CPT2: variants seen among roughly 807,000 people sequenced by gnomAD.
CPT2 encodes the protein carnitine O-palmitoyltransferase 2, mitochondrial.
A neutral mutation model predicts 48.6 loss-of-function variants in CPT2; 37 were observed. The ratio of observed to expected loss-of-function variants is 0.76; its 90% CI spans 0.59 to 1.00. CPT2 has a LOEUF of 1.00. Among genes scored for constraint, CPT2 ranks in the 50% least tolerant of loss-of-function variants. The pLI, the probability that CPT2 is intolerant of heterozygous loss-of-function variation, is 0.00. For missense variants in CPT2, 772 were observed against 825.6 expected (o/e 0.94, Z 0.80); for synonymous variants, 319 against 326.9 (o/e 0.98, Z 0.26).
chr1:53,202,225 T>A, intron 2 of CPT2, 98 bp from the exon 3 acceptor site: 1 of 874,328 alleles, frequency 1.1e-6, no homozygotes, highest in South Asian at 1.4e-5. Flanking sequence ...GGCTATGCTG[T>A]TGGGGACCCA....
chr1:53,196,988 G>T lies in CPT2; in HGVS notation c.45G>T (p.Ala15=), dbSNP rs761850684. The part of the protein sequence containing the change: ...LLLRAWPRGP[A]VGPGAPSRPL... ...TGCGCGCCTGGCCCCGGGGCCCCGC[G>T]GTTGGTCCGGGAGCCCCCAGTCGGC... is the stretch of plus-strand genomic sequence containing the variant. The change falls in exon 1 of 5, where the codon GCG becomes GCT. Residue 15 remains alanine, a synonymous_variant. Coordinates refer to ENST00000371486, the MANE Select transcript of CPT2 (RefSeq NM_000098.3). 126 of 1,526,766 alleles carry T rather than the reference G, an allele frequency of 8.3e-5. No homozygotes were observed. Among genetic ancestry groups the T allele is most frequent in the Middle Eastern group, 2.0e-4 (1 of 5,090 alleles). The allele number at this position is 1,526,766 out of a possible 1,614,324, so 94.6% of individuals were successfully genotyped here. A position where few individuals can be genotyped will look rare whatever the true frequency, so the allele number is the denominator to read the frequency against.
intron 1 of CPT2, among the ~76,000 whole-genome samples, chr1:53,199,121 C>T (rs979352575): frequency 1.3e-5 from 2 of 152,128 alleles, no homozygotes; most frequent in Non-Finnish European, 2.9e-5. Context: ...AGTGCAGTGG[C>T]CCTATCTCGG....
At chr1:53,201,091 A>T (rs1325376111) in intron 2 of CPT2, 2 of 448,674 alleles carry the variant, frequency 4.5e-6, no homozygotes, top group Non-Finnish European at 8.3e-6. Flanking sequence ...CTGGTCATTT[A>T]TAGAGAGCAT....
chr1:53,199,639 T>G (rs1241483005), intron 1 of CPT2: 1 of 152,218 alleles, frequency 6.6e-6, no homozygotes, highest in Non-Finnish European at 1.5e-5. Context: ...CAACTGGAAT[T>G]ATGAGGTAGC....
chr1:53,212,633 A>G (rs1018956275), intron 4 of CPT2: 5 of 397,884 alleles, frequency 1.3e-5, no homozygotes, highest in East Asian at 3.6e-5. Context: ...GCTCTTCTCA[A>G]TTGTCATCCG....
At chr1:53,213,082 T>C in intron 4 of CPT2, 182 bp from the exon 5 acceptor site, 1 of 623,280 alleles carries the variant, frequency 1.6e-6, no homozygotes, top group South Asian at 1.9e-5. Context: ...TCCTAAATAA[T>C]TTAAAATAAT....
At chr1:53,211,444 C>G (rs1645427641) in intron 4 of CPT2, 125 bp downstream of exon 4, 1 of 1,019,360 alleles carries the variant, frequency 9.8e-7, no homozygotes, top group East Asian at 2.6e-5. Context: ...CGCCAACTCC[C>G]CAAATTTTTC....
intron 1 of CPT2, 111 bp from the exon 2 acceptor site, chr1:53,200,608 T>C (rs1645348379): frequency 1.2e-6 from 1 of 861,188 alleles, no homozygotes; most frequent in South Asian, 1.3e-5. Context: ...CTTCTGATTA[T>C]TGGTTTTGGG....
chr1:53,200,657 G>C, intron 1 of CPT2, 62 bp from the exon 2 acceptor site: 1 of 1,229,036 alleles, frequency 8.1e-7, no homozygotes, highest in African/African-American at 1.5e-5. Flanking sequence ...TCATTAGCTT[G>C]TAAAGCTAAT....
intron 3 of CPT2, chr1:53,209,123 G>C (rs1235059224): frequency 1.3e-5 from 2 of 152,194 alleles, no homozygotes; most frequent in East Asian, 3.9e-4. Flanking sequence ...CACTTTAAGA[G>C]GCTGAGGTGA....
At chr1:53,205,021 G>C (rs376682533) in intron 3 of CPT2, among the ~76,000 whole-genome samples, 1 of 152,162 alleles carries the variant, frequency 6.6e-6, no homozygotes, top group East Asian at 1.9e-4. Context: ...GTACCAGGAG[G>C]GGGGCATTGC....
At chr1:53,200,677 C>A (rs1161805468) in intron 1 of CPT2, 42 bp from the exon 2 acceptor site, 2 of 1,431,930 alleles carry the variant, frequency 1.4e-6, no homozygotes, top group Non-Finnish European at 2.0e-6. Context: ...TTAACCTCTT[C>A]CATATACTGT....
rs201163382 is a variant in CPT2, at chr1:53,210,524, C to T, written c.850C>T (p.Pro284Ser). 152 of 1,614,012 alleles carry T rather than the reference C, an allele frequency of 9.4e-5. No homozygotes were observed. Among genetic ancestry groups the T allele is most frequent in the Non-Finnish European group, 1.2e-4 (145 of 1,180,032 alleles). Residue 284 changes from proline (P) to serine (S), a missense_variant, in exon 4 of 5, where the codon CCC becomes TCC. Transcript: ENST00000371486. ...CATTCTCTCAGACAGCAGCCCCGCC[C>T]CCGAGTTTCCCCTGGCATACCTGAC... ...KYILSDSSPA[P>S]EFPLAYLTSE...
chr1:53,208,797 T>A (rs1572384002), intron 3 of CPT2: 1 of 152,216 alleles, frequency 6.6e-6, no homozygotes, highest in East Asian at 1.9e-4. Flanking sequence ...GAAAAAGCAA[T>A]TAATAAACAT....
Position 53,210,289 on chromosome 1 carries a change from C to G in CPT2, c.615C>G (p.Tyr205Ter). The G allele has an allele frequency of 1.2e-6, 2 of 1,614,196 alleles. No individual in the cohort carries two copies. The highest frequency in any genetic ancestry group is 1.7e-6 in the Non-Finnish European group (2 of 1,180,046). Residue 205 changes from tyrosine (Y) to a stop codon, truncating the protein, a stop_gained, in exon 4 of 5, where the codon TAC (tyrosine) becomes TAG (stop). Transcript: ENST00000371486. LOFTEE classifies it high-confidence loss of function. Reference sequence around the variant, plus strand: ...CCTCTCTGTCCTGGTATGGGGCCTACCTGGTCAATGCGTATCCCCTGGATA... The same window carrying G: ...CCTCTCTGTCCTGGTATGGGGCCTAGCTGGTCAATGCGTATCCCCTGGATA... Reference protein sequence around the residue: ...VPSSLSWYGAYLVNAYPLDMS... With the variant: ...VPSSLSWYGA
intron 1 of CPT2, among the ~76,000 whole-genome samples, chr1:53,199,092 G>A (rs1158818749): frequency 2.0e-5 from 3 of 148,836 alleles, no homozygotes; most frequent in Non-Finnish European, 3.0e-5. Flanking sequence ...AGACAGTCTC[G>A]CTCTGTTGCC....
At chr1:53,200,962 T>G in intron 2 of CPT2, 163 bp downstream of exon 2, 1 of 694,136 alleles carries the variant, frequency 1.4e-6, no homozygotes, top group Non-Finnish European at 2.6e-6. Context: ...TTTTCATTCA[T>G]GAAGGACTGA....
chr1:53,204,885 G>A (rs940629422), intron 3 of CPT2, among the ~76,000 whole-genome samples: 1 of 152,158 alleles, frequency 6.6e-6, no homozygotes, highest in Non-Finnish European at 1.5e-5. Context: ...CGCTGTGATT[G>A]TAAGTTTCCT....
chr1:53,205,052 T>C (rs182707212), intron 3 of CPT2, among the ~76,000 whole-genome samples: 2 of 152,200 alleles, frequency 1.3e-5, no homozygotes, highest in African/African-American at 4.8e-5. Flanking sequence ...CCTGAAAATG[T>C]GGAAACAACT....
Sources: gnomAD v4.1 joint callset for allele counts (sites outside exome capture counted in the v4.1 genomes callset) on GRCh38, gnomAD v4.1.1 for gene constraint, MANE v1.5 for transcripts, NCBI Gene and HGNC (gene_info 2026-07-23, HGNC 2026-07-21) for gene names.